Variants in LARP6 observed in about 807,000 individuals in gnomAD.
The protein encoded by LARP6 is La ribonucleoprotein 6, translational regulator.
A neutral mutation model predicts 32.8 loss-of-function variants in LARP6; 18 were observed. The observed-to-expected ratio is 0.55, with a 90% CI of 0.38 to 0.81. The LOEUF (loss-of-function observed/expected upper bound fraction) is 0.81, where lower values mean the gene tolerates loss of function less well. LARP6 is among the 40% of genes least tolerant of loss of function. The pLI is 0.00. For missense variants in LARP6, 598 were observed against 663.1 expected (o/e 0.90, Z 1.08); for synonymous variants, 289 against 267.2 (o/e 1.08, Z -0.80).
At position 70,829,817 on chromosome 15, in the gene LARP6, A is replaced by G. The variant is rs1254657265; in HGVS notation, c.*2235T>C. On this transcript the variant is annotated 3_prime_UTR_variant, in exon 3 of 3. Coordinates refer to ENST00000299213, the MANE Select transcript of LARP6 (RefSeq NM_018357.4). ...GCCAAGTTCATCTGTATTCACATGT[A>G]AAGGTGAGGGTGTAGGTATTTTTAA... 1 of 152,264 alleles carries G rather than the reference A, an allele frequency of 6.6e-6. No homozygotes were observed. The highest frequency in any genetic ancestry group is 1.5e-5 in the Non-Finnish European group (1 of 68,058). The allele number at this position is 152,264 out of a possible 1,614,324, so 9.4% of individuals were successfully genotyped here.
chr15:70,843,448 A>C (rs1248800723), intron 1 of LARP6, among the ~76,000 whole-genome samples: 1 of 152,162 alleles, frequency 6.6e-6, no homozygotes, highest in Non-Finnish European at 1.5e-5. Flanking sequence ...TTTAATTCTT[A>C]GGAGAGTTAT....
At chr15:70,842,428 C>T (rs1425666625) in intron 1 of LARP6, among the ~76,000 whole-genome samples, 1 of 152,140 alleles carries the variant, frequency 6.6e-6, no homozygotes, top group Non-Finnish European at 1.5e-5. Flanking sequence ...TACACTTCAG[C>T]TCCTATAAGC....
intron 1 of LARP6, chr15:70,851,708 C>A: frequency 6.2e-7 from 1 of 1,614,080 alleles, no homozygotes; most frequent in Non-Finnish European, 8.5e-7. Flanking sequence ...TTGAATTCAC[C>A]GAGCTCCTAT....
At chr15:70,837,500 C>T (rs564653870) in intron 1 of LARP6, among the ~76,000 whole-genome samples, 1 of 152,302 alleles carries the variant, frequency 6.6e-6, no homozygotes, top group East Asian at 1.9e-4. Flanking sequence ...TCTACTCCAT[C>T]CCCTCAAATC....
rs998519204 is a variant in LARP6 at position 70,832,771 on chromosome 15, C to G, written c.757G>C (p.Val253Leu). 3.1e-6 allele frequency: 5 copies of G among 1,606,384 alleles called. No individual in the cohort carries two copies. In the Admixed American group the frequency reaches 6.8e-5, roughly 22 times the overall value. Residue 253 changes from valine (V) to leucine (L), a missense_variant, in exon 3 of 3, where the codon GTG becomes CTG. Coordinates refer to ENST00000299213, the MANE Select transcript of LARP6 (RefSeq NM_018357.4). The part of the protein sequence containing the change: ...IRRISSRYSQ[V>L]GTQECAIVEF... ...ACGATGGCGCACTCCTGGGTCCCCA[C>G]TTGGCTGTAGCGGCTGCTGATCCTC...
intron 1 of LARP6, among the ~76,000 whole-genome samples, chr15:70,843,185 C>T (rs1422901215): frequency 1.3e-5 from 2 of 152,070 alleles, no homozygotes; most frequent in Non-Finnish European, 2.9e-5. Flanking sequence ...TCTCTTTTGC[C>T]CCCACATTTA....
Position 70,853,958 on chromosome 15 carries a change from C to G in LARP6, c.131G>C (p.Gly44Ala), listed in dbSNP as rs988219439. Residue 44 changes from glycine (G) to alanine (A), a missense_variant, in exon 1 of 3, where the codon GGG (glycine) becomes GCG (alanine). Physicochemically the swap from Gly to Ala is moderately conservative, Grantham distance 60. Coordinates refer to ENST00000299213, the MANE Select transcript of LARP6 (RefSeq NM_018357.4). ...EEEGAETRGA[G>A]DPARYLSPGW... ...GGGGCTGAGGTACCGGGCCGGGTCCCCGGCGCCCCGAGTCTCCGCCCCCTC... is the reference window on the plus strand; with the variant it reads ...GGGGCTGAGGTACCGGGCCGGGTCCGCGGCGCCCCGAGTCTCCGCCCCCTC... The G allele has an allele frequency of 6.9e-7, 1 of 1,455,050 alleles. No individual in the cohort carries two copies. Among genetic ancestry groups the G allele is most frequent in the Non-Finnish European group, 9.1e-7 (1 of 1,098,836 alleles). 90.1% of individuals were successfully genotyped at this position (1,455,050 alleles called of 1,614,324 possible).
At chr15:70,843,770 C>G (rs2032299213) in intron 1 of LARP6, among the ~76,000 whole-genome samples, 1 of 143,624 alleles carries the variant, frequency 7.0e-6, no homozygotes, top group Admixed American at 7.5e-5. Flanking sequence ...ATTCTTCTGT[C>G]TCAGCCTCCT....
chr15:70,851,846 G>A, intron 1 of LARP6: 2 of 1,496,058 alleles, frequency 1.3e-6, no homozygotes, highest in Admixed American at 1.9e-5. Context: ...TGGGGGTGGT[G>A]GAGAAGAGGC....
rs2032083715 is a variant in LARP6, at chr15:70,833,015, G to A, written c.513C>T (p.Thr171=). 1.9e-6 allele frequency: 3 copies of A among 1,613,754 alleles called. No homozygotes were observed. The highest frequency in any genetic ancestry group is 3.3e-5 in the Admixed American group (2 of 59,972). Residue 171 remains threonine (T), a synonymous_variant, in exon 3 of 3, where the codon ACC becomes ACT. Coordinates refer to ENST00000299213, the MANE Select transcript of LARP6 (RefSeq NM_018357.4). ...TCTCGTTGGGGAACAGTGGGACGGG[G>A]GTGGTCCTCCTCACCTTCCGGTGGT... ...NEDHRKVRRT[T]PVPLFPNENL... is the part of the protein sequence containing the mutation.
chr15:70,845,889 C>G (rs1395754273), intron 1 of LARP6, among the ~76,000 whole-genome samples: 4 of 152,262 alleles, frequency 2.6e-5, no homozygotes, highest in African/African-American at 9.6e-5. Context: ...AGGCTTTACT[C>G]TGCGGCTGCC....
chr15:70,835,933 T>C (rs1351702874), intron 2 of LARP6, among the ~76,000 whole-genome samples: 1 of 152,196 alleles, frequency 6.6e-6, no homozygotes, highest in African/African-American at 2.4e-5. Flanking sequence ...GAATTTCATA[T>C]AATTTTAGGC....
intron 2 of LARP6, among the ~76,000 whole-genome samples, chr15:70,834,190 C>T (rs1286325303): frequency 6.6e-6 from 1 of 152,198 alleles, no homozygotes; most frequent in East Asian, 1.9e-4. Flanking sequence ...AGGAAAGGCT[C>T]ACTCACTGGG....
At chr15:70,838,796 C>T (rs935491159) in intron 1 of LARP6, among the ~76,000 whole-genome samples, 1 of 151,360 alleles carries the variant, frequency 6.6e-6, no homozygotes, top group African/African-American at 2.4e-5. Flanking sequence ...GTTGGTTTAG[C>T]AACTCAATGT....
chr15:70,841,663 T>C (rs969013570), intron 1 of LARP6, among the ~76,000 whole-genome samples: 3 of 152,086 alleles, frequency 2.0e-5, no homozygotes, highest in Admixed American at 6.5e-5. Context: ...CATTTAAAAG[T>C]ATGTGGTACT....
intron 1 of LARP6, chr15:70,851,852 G>A (rs71393498): frequency 1.4e-6 from 2 of 1,464,886 alleles, no homozygotes; most frequent in East Asian, 4.8e-5. Context: ...TGGTGGAGAA[G>A]AGGCAGCGAA....
Position 70,832,160 on chromosome 15 carries a change from C to T in LARP6, c.1368G>A (p.Arg456=). The T allele has an allele frequency of 4.3e-6, 7 of 1,613,486 alleles. No homozygotes were observed. Among genetic ancestry groups the T allele is most frequent in the Non-Finnish European group, 5.9e-6 (7 of 1,179,690 alleles). The change falls in exon 3 of 3, where the codon CGG becomes CGA. Residue 456 remains arginine, a synonymous_variant. Transcript: ENST00000299213. ...GTAGCCCATCTGCAGTCTGCATCTT[C>T]CGGGAGAGCAGGGGACTCGTACCGG... ...KSPGTSPLLS[R]KMQTADGLPV...
Position 70,831,462 on chromosome 15 carries a change from G to A in LARP6, c.*590C>T, listed in dbSNP as rs1421407976. The A allele has an allele frequency of 6.6e-6, 1 of 152,108 alleles. No individual in the cohort carries two copies. The highest frequency in any genetic ancestry group is 2.4e-5 in the African/African-American group (1 of 41,408). 9.4% of individuals were successfully genotyped at this position (152,108 alleles called of 1,614,324 possible). ...AAGATGTCTCTGCTAAGCTCCTCAG[G>A]GCCTCATGACATACCACCCACAGCT... On this transcript the variant is annotated 3_prime_UTR_variant, in exon 3 of 3. Coordinates refer to ENST00000299213, the MANE Select transcript of LARP6 (RefSeq NM_018357.4).
intron 1 of LARP6, among the ~76,000 whole-genome samples, chr15:70,850,032 G>T (rs2141059105): frequency 6.6e-6 from 1 of 152,252 alleles, no homozygotes; most frequent in East Asian, 1.9e-4. Flanking sequence ...CTTAGGTAAG[G>T]ATCATCAATA....
Sources: gnomAD v4.1 joint callset for allele counts (sites outside exome capture counted in the v4.1 genomes callset) on GRCh38, gnomAD v4.1.1 for gene constraint, MANE v1.5 for transcripts, NCBI Gene and HGNC (gene_info 2026-07-23, HGNC 2026-07-21) for gene names.